CACHD1: variants seen among roughly 807,000 people sequenced by gnomAD.
CACHD1 encodes the protein cache domain containing 1, also known as VWFA and cache domain-containing protein 1.
Under a neutral mutation model 138.7 loss-of-function variants are expected in CACHD1, and 71 were observed. That is an observed-to-expected ratio of 0.51 (90% CI 0.42 to 0.62). The LOEUF (loss-of-function observed/expected upper bound fraction) is 0.62. Among genes scored for constraint, CACHD1 ranks in the 20% least tolerant of loss-of-function variants. The pLI is 0.00. For missense variants in CACHD1, 1,389 were observed against 1,625.3 expected, an observed-to-expected ratio of 0.85 and a Z score of 2.50; for synonymous variants, 578 against 591.5, an observed-to-expected ratio of 0.98 and a Z score of 0.33.
intron 1 of CACHD1, among the ~76,000 whole-genome samples, chr1:64,531,495 TTGTGTGTG>T (rs68180558): frequency 1.8e-4 from 27 of 146,824 alleles, no homozygotes; most frequent in African/African-American, 3.0e-4. Context: ...ATGAATGTGG[TTGTGTGTG>T]TGTGTGTGTG....
chr1:64,518,913 C>A (rs180927395), intron 1 of CACHD1, among the ~76,000 whole-genome samples: 48 of 152,252 alleles, frequency 3.2e-4, no homozygotes, highest in African/African-American at 1.1e-3. Context: ...CTATTGTGTT[C>A]TAGAACCCCA....
intron 3 of CACHD1, among the ~76,000 whole-genome samples, chr1:64,586,690 A>T (rs938144835): frequency 6.6e-6 from 1 of 152,076 alleles, no homozygotes; most frequent in Non-Finnish European, 1.5e-5. Context: ...TTTAAATTTG[A>T]TTAAGTATTT....
At chr1:64,486,413 TAC>T (rs1184417702) in intron 1 of CACHD1, among the ~76,000 whole-genome samples, 3 of 147,850 alleles carry the variant, frequency 2.0e-5, no homozygotes, top group Non-Finnish European at 3.0e-5. Flanking sequence ...CACACACACA[TAC>T]ACACACACAC....
At chr1:64,595,238 C>T (rs1275424439) in intron 3 of CACHD1, among the ~76,000 whole-genome samples, 1 of 152,166 alleles carries the variant, frequency 6.6e-6, no homozygotes, top group Non-Finnish European at 1.5e-5. Flanking sequence ...GGAGAGAACA[C>T]ACCCAATTTA....
chr1:64,550,038 T>C (rs1320103279), intron 1 of CACHD1, among the ~76,000 whole-genome samples: 2 of 152,140 alleles, frequency 1.3e-5, no homozygotes, highest in Non-Finnish European at 2.9e-5. Context: ...ACAGCTGTCA[T>C]ATTTCCTGGC....
At chr1:64,667,497 A>C (rs576509958) in intron 16 of CACHD1, among the ~76,000 whole-genome samples, 53 of 152,196 alleles carry the variant, frequency 3.5e-4, no homozygotes, top group African/African-American at 1.1e-3. Flanking sequence ...AGCTTCTCCC[A>C]TCATATAAGA....
intron 21 of CACHD1, among the ~76,000 whole-genome samples, 181 bp from the exon 22 acceptor site, chr1:64,676,714 C>T (rs1370389063): frequency 6.6e-6 from 1 of 152,152 alleles, no homozygotes; most frequent in Non-Finnish European, 1.5e-5. Flanking sequence ...ATTACTTCTA[C>T]TGTATATAAA....
intron 1 of CACHD1, among the ~76,000 whole-genome samples, chr1:64,472,642 A>G (rs1487918384): frequency 6.6e-6 from 1 of 152,168 alleles, no homozygotes; most frequent in Non-Finnish European, 1.5e-5. Flanking sequence ...CTTAGGAGTG[A>G]AGTGACTTTT....
At chr1:64,562,898 A>G (rs114965975) in intron 2 of CACHD1, among the ~76,000 whole-genome samples, 7,133 of 152,198 alleles carry the variant, frequency 0.047, 278 homozygotes, top group South Asian at 0.2. Flanking sequence ...TTTCTTGAGA[A>G]TTGGTCACAC....
chr1:64,669,474 T>C (rs1411598466), intron 16 of CACHD1, among the ~76,000 whole-genome samples: 3 of 152,246 alleles, frequency 2.0e-5, no homozygotes, highest in East Asian at 1.9e-4. Context: ...CACTCACTTA[T>C]CAGTTACTCA....
intron 1 of CACHD1, among the ~76,000 whole-genome samples, chr1:64,543,929 C>T (rs756014696): frequency 2.7e-5 from 4 of 146,290 alleles, no homozygotes; most frequent in Non-Finnish European, 4.5e-5. Context: ...ATGTGATCCA[C>T]CGGCCTCGGC....
intron 3 of CACHD1, among the ~76,000 whole-genome samples, chr1:64,597,524 G>GTTTTTTT (rs34162933): frequency 1.2e-5 from 1 of 80,400 alleles, no homozygotes; most frequent in African/African-American, 4.7e-5. Flanking sequence ...TTTTTTTGTT[G>GTTTTTTT]TTTTTTTTTT....
chr1:64,498,845 C>T (rs1557463025), intron 1 of CACHD1, among the ~76,000 whole-genome samples: 1 of 152,212 alleles, frequency 6.6e-6, no homozygotes, highest in African/African-American at 2.4e-5. Flanking sequence ...GGGAAAATGA[C>T]CAGAAAGAAA....
intron 3 of CACHD1, among the ~76,000 whole-genome samples, chr1:64,599,695 T>C (rs1363870286): frequency 1.3e-5 from 2 of 152,204 alleles, no homozygotes; most frequent in Non-Finnish European, 2.9e-5. Flanking sequence ...TGTTTTTCTT[T>C]AATGCTGTTA....
At chr1:64,614,065 C>T (rs544493395) in intron 4 of CACHD1, among the ~76,000 whole-genome samples, 27 of 152,300 alleles carry the variant, frequency 1.8e-4, no homozygotes, top group African/African-American at 4.8e-4. Context: ...CACCATTTTC[C>T]GCTCAGTACT....
chr1:64,539,006 AC>A (rs1570346608), intron 1 of CACHD1, among the ~76,000 whole-genome samples: 1 of 152,218 alleles, frequency 6.6e-6, no homozygotes, highest in East Asian at 1.9e-4. Context: ...ACTGAATAAA[AC>A]TGCCCCTCAC....
In CACHD1 at chr1:64,587,793, T is replaced by C. The variant is rs375620104; in HGVS notation, c.410+5489T>C. On this transcript the variant is annotated intron_variant, in intron 3 of 26. Coordinates refer to ENST00000651257, the MANE Select transcript of CACHD1 (RefSeq NM_020925.4). ...GCTAGGGACACAGGAGATCCTGGGCTCTCCCACAAGGAGTGAACAAATGCA... is the reference window on the plus strand; with the variant it reads ...GCTAGGGACACAGGAGATCCTGGGCCCTCCCACAAGGAGTGAACAAATGCA... 5.3e-5 allele frequency among the ~76,000 whole-genome samples: 8 copies of C among 152,298 alleles called. No individual in the cohort carries two copies. The South Asian group carries it at 8.3e-4, about 16-fold the overall frequency.
Position 64,691,747 on chromosome 1 carries a change from T to A in CACHD1, c.*186T>A. 1.7e-6 allele frequency: 1 copy of A among 602,766 alleles called. No individual in the cohort carries two copies. The highest frequency in any genetic ancestry group is 2.9e-6 in the Non-Finnish European group (1 of 341,118). The allele number at this position is 602,766 out of a possible 1,614,324, so 37.3% of individuals were successfully genotyped here. On this transcript the variant is annotated 3_prime_UTR_variant, in exon 27 of 27. Transcript: ENST00000651257. ...GAGAGAAACAACAACACAGTCACAT[T>A]TGTGAAGATGTGAGGCTGGTTCTGA...
intron 3 of CACHD1, among the ~76,000 whole-genome samples, chr1:64,593,731 G>A (rs1647126465): frequency 1.3e-5 from 2 of 152,092 alleles, no homozygotes; most frequent in South Asian, 4.2e-4. Context: ...AGCCTTTCTG[G>A]ATATTGGTAC....
Sources: gnomAD v4.1 joint callset for allele counts (sites outside exome capture counted in the v4.1 genomes callset) on GRCh38, gnomAD v4.1.1 for gene constraint, MANE v1.5 for transcripts, NCBI Gene and HGNC (gene_info 2026-07-23, HGNC 2026-07-21) for gene names.